Variants in CA9 observed in about 807,000 individuals in gnomAD.
CA9 encodes the protein carbonic anhydrase 9.
Under a neutral mutation model 51.8 loss-of-function variants are expected in CA9, and 43 were observed. The observed-to-expected ratio is 0.83, with a 90% CI of 0.65 to 1.07. The LOEUF is 1.07. Ranked by LOEUF, CA9 falls within the 50% of genes least tolerant of loss-of-function variation. The pLI is 0.00. For missense variants in CA9, 574 were observed against 581.4 expected, an observed-to-expected ratio of 0.99 and a Z score of 0.13; for synonymous variants, 253 against 244.2, an observed-to-expected ratio of 1.04 and a Z score of -0.34.
chr9:35,676,143 C>T lies in CA9; in HGVS notation c.684C>T (p.His228=). ...REYRALQLHL[H]WGAAGRPGSE... The stretch of plus-strand genomic sequence containing the variant: ...ACCGGGCTCTGCAGCTGCATCTGCA[C>T]TGGGGGGCTGCAGGTCGTCCGGGCT... Residue 228 remains histidine, a synonymous_variant, in exon 4 of 11, where the codon CAC becomes CAT. Coordinates refer to ENST00000378357, the MANE Select transcript of CA9 (RefSeq NM_001216.3). The T allele has an allele frequency of 6.2e-7, 1 of 1,613,260 alleles. No homozygotes were observed. Among genetic ancestry groups the T allele is most frequent in the Non-Finnish European group, 8.5e-7 (1 of 1,179,654 alleles).
intron 5 of CA9, 29 bp from the exon 6 acceptor site, chr9:35,677,761 C>G: frequency 6.3e-7 from 1 of 1,590,766 alleles, no homozygotes; most frequent in East Asian, 2.2e-5. Flanking sequence ...GATACATGCA[C>G]TCATCTGTCT....
rs71800585 is a variant in CA9 at position 35,678,700 on chromosome 9, C to CT, written c.908-470dup. Among the ~76,000 whole-genome samples, 659 of 131,954 alleles carry CT rather than the reference C, an allele frequency of 5.0e-3. 9 individuals are homozygous for CT. The highest frequency in any genetic ancestry group is 0.016 in the African/African-American group (538 of 34,636). The allele number at this position is 131,954 out of a possible 152,430, so 86.6% of individuals were successfully genotyped here. A position where few individuals can be genotyped will look rare whatever the true frequency, so the allele number is the denominator to read the frequency against. On this transcript the variant is annotated intron_variant, in intron 6 of 10. Coordinates refer to ENST00000378357, the MANE Select transcript of CA9 (RefSeq NM_001216.3). ...TTCAGATCATTTTTTCTTTTCTTTTCTTTTTTTTTTTTTTTACATCTTTAG... is the reference window on the plus strand; with the variant it reads ...TTCAGATCATTTTTTCTTTTCTTTTCTTTTTTTTTTTTTTTTACATCTTTAG...
chr9:35,681,095 C>T lies in CA9; in HGVS notation c.*70C>T. The T allele has an allele frequency of 7.9e-7, 1 of 1,271,738 alleles. No individual in the cohort carries two copies. Among genetic ancestry groups the T allele is most frequent in the Non-Finnish European group, 1.1e-6 (1 of 915,052 alleles). 78.8% of individuals were successfully genotyped at this position (1,271,738 alleles called of 1,614,324 possible). On this transcript the variant is annotated 3_prime_UTR_variant, in exon 11 of 11. Transcript: ENST00000378357. ...AGGGGGAGCCGGTAACTGTCCTGTC[C>T]TGCTCATTATGCCACTTCCTTTTAA...
Position 35,681,071 on chromosome 9 carries a change from G to A in CA9, c.*46G>A, listed in dbSNP as rs184019948. ...TGAGAAGCCAGCCAGAGGCATCTGA[G>A]GGGGAGCCGGTAACTGTCCTGTCCT... On this transcript the variant is annotated 3_prime_UTR_variant, in exon 11 of 11. Coordinates refer to ENST00000378357, the MANE Select transcript of CA9 (RefSeq NM_001216.3). The A allele has an allele frequency of 3.8e-6, 6 of 1,559,344 alleles. No homozygotes were observed. The highest frequency in any genetic ancestry group is 1.4e-5 in the African/African-American group (1 of 73,822).
chr9:35,678,775 C>CTTGTG (rs1298870695), intron 6 of CA9, among the ~76,000 whole-genome samples: 3 of 149,648 alleles, frequency 2.0e-5, no homozygotes, highest in African/African-American at 4.9e-5. Flanking sequence ...AACTCCTGAC[C>CTTGTG]TTGTGATCCA....
At position 35,679,198 on chromosome 9, in the gene CA9, G is replaced by A. The variant is rs537974189; in HGVS notation, c.921G>A (p.Gln307=). 55 of 1,613,964 alleles carry A rather than the reference G, an allele frequency of 3.4e-5. No homozygotes were observed. The highest frequency in any genetic ancestry group is 4.4e-5 in the Non-Finnish European group (52 of 1,180,006). Residue 307 remains glutamine (Q), a synonymous_variant, in exon 7 of 11, where the codon CAG becomes CAA. Coordinates refer to ENST00000378357, the MANE Select transcript of CA9 (RefSeq NM_001216.3). ...EEIAEEGSET[Q]VPGLDISALL... ...TCCTCTTCACAGGCTCAGAGACTCA[G>A]GTCCCAGGACTGGACATATCTGCAC... is the stretch of plus-strand genomic sequence containing the variant.
intron 1 of CA9, 174 bp from the exon 2 acceptor site, chr9:35,675,364 C>T (rs1824394913): frequency 6.0e-6 from 4 of 669,760 alleles, no homozygotes; most frequent in Non-Finnish European, 1.1e-5. Context: ...GTTTGGCCCA[C>T]CCAGCTGCGG....
rs368926395 is a variant in CA9, at chr9:35,681,038, G to A, written c.*13G>A. ...GACTGGAGCCTAGAGGCTGGATCTT[G>A]GAGAATGTGAGAAGCCAGCCAGAGG... On this transcript the variant is annotated 3_prime_UTR_variant, in exon 11 of 11. Transcript: ENST00000378357. The A allele has an allele frequency of 3.7e-6, 6 of 1,612,580 alleles. No individual in the cohort carries two copies. The highest frequency in any genetic ancestry group is 5.1e-6 in the Non-Finnish European group (6 of 1,179,508).
intron 5 of CA9, among the ~76,000 whole-genome samples, chr9:35,677,336 C>A (rs1203312091): frequency 2.0e-5 from 3 of 152,000 alleles, no homozygotes; most frequent in African/African-American, 7.2e-5. Context: ...CCTGAAAAGC[C>A]AAACACAGAA....
intron 10 of CA9, 64 bp from the exon 11 acceptor site, chr9:35,680,901 C>T (rs376242893): frequency 8.5e-5 from 137 of 1,607,602 alleles, no homozygotes; most frequent in Non-Finnish European, 1.0e-4. Context: ...TCATGCAAAG[C>T]GCATGCAAAT....
Position 35,680,784 on chromosome 9 carries a change from T to C in CA9, c.1269T>C (p.Leu423=), listed in dbSNP as rs1282635219. ...TCCTAGCCCTGGTTTTTGGCCTCCT[T>C]TTTGCTGTCACCAGCGTCGCGTTCC... ...GDILALVFGL[L]FAVTSVAFLV... is the part of the protein sequence containing the mutation. The change falls in exon 10 of 11, where the codon CTT becomes CTC. Residue 423 remains leucine (L), a synonymous_variant. Transcript: ENST00000378357. The C allele has an allele frequency of 1.9e-6, 3 of 1,614,064 alleles. No homozygotes were observed. The African/African-American group carries it at 4.0e-5, about 22-fold the overall frequency.
intron 9 of CA9, 38 bp downstream of exon 9, chr9:35,680,177 A>G (rs754293793): frequency 6.2e-7 from 1 of 1,611,860 alleles, no homozygotes; most frequent in Non-Finnish European, 8.5e-7. Context: ...ATGCCAGGAG[A>G]CTCCTCAGCA....
chr9:35,680,022 C>G, intron 8 of CA9, 24 bp downstream of exon 8: 5 of 1,614,236 alleles, frequency 3.1e-6, no homozygotes, highest in Non-Finnish European at 4.2e-6. Context: ...TGGTTTCCCC[C>G]CAGCCAGTAG....
rs1402819550 is a variant in CA9, at chr9:35,674,408, A to T, written c.403+46A>T. ...AAATCCAGGTTCCAGGAGGTTCATG[A>T]CTCCCCTCCCATACCCCAGCCTAGG... On this transcript the variant is annotated intron_variant, in intron 1 of 10. Coordinates refer to ENST00000378357, the MANE Select transcript of CA9 (RefSeq NM_001216.3). The T allele has an allele frequency of 1.9e-6, 3 of 1,550,124 alleles. No individual in the cohort carries two copies. The South Asian group carries it at 3.7e-5, about 19-fold the overall frequency.
intron 8 of CA9, 46 bp downstream of exon 8, chr9:35,680,044 C>T: frequency 6.2e-7 from 1 of 1,614,184 alleles, no homozygotes; most frequent in Non-Finnish European, 8.5e-7. Flanking sequence ...CCCTTATCCT[C>T]CCATGTGTGT....
chr9:35,677,797 C>G lies in CA9; in HGVS notation c.848C>G (p.Pro283Arg). 1.2e-6 allele frequency: 2 copies of G among 1,613,904 alleles called. No individual in the cohort carries two copies. The highest frequency in any genetic ancestry group is 1.7e-6 in the Non-Finnish European group (2 of 1,179,824). Reference sequence around the variant, plus strand: ...TACAATGTCATCCCCCAGGAGGGCCCGGAAGAAAACAGTGCCTATGAGCAG... The same window carrying G: ...TACAATGTCATCCCCCAGGAGGGCCGGGAAGAAAACAGTGCCTATGAGCAG... Reference protein sequence around the residue: ...AVLAAFLEEGPEENSAYEQLL... With the variant: ...AVLAAFLEEGREENSAYEQLL... The change falls in exon 6 of 11, where the codon CCG becomes CGG. Residue 283 changes from proline to arginine, a missense_variant. Coordinates refer to ENST00000378357, the MANE Select transcript of CA9 (RefSeq NM_001216.3).
chr9:35,680,991 A>C lies in CA9; in HGVS notation c.1346A>C (p.Tyr449Ser), dbSNP rs1244939668. The C allele has an allele frequency of 6.2e-7, 1 of 1,614,036 alleles. No individual in the cohort carries two copies. The highest frequency in any genetic ancestry group is 8.5e-7 in the Non-Finnish European group (1 of 1,179,996). The change falls in exon 11 of 11, where the codon TAC (tyrosine) becomes TCC (serine). Residue 449 changes from tyrosine to serine, a missense_variant. Tyr to Ser is a moderately radical substitution (Grantham distance 144). Coordinates refer to ENST00000378357, the MANE Select transcript of CA9 (RefSeq NM_001216.3). The part of the protein sequence containing the change: ...HRRGTKGGVS[Y>S]RPAEVAETGA ...AGGGGAACCAAAGGGGGTGTGAGCT[A>C]CCGCCCAGCAGAGGTAGCCGAGACT...
In CA9 at chr9:35,676,157, G is replaced by A. The variant is rs1221724988; in HGVS notation, c.698G>A (p.Gly233Asp). The A allele has an allele frequency of 2.5e-6, 4 of 1,612,848 alleles. No homozygotes were observed. The highest frequency in any genetic ancestry group is 2.5e-6 in the Non-Finnish European group (3 of 1,179,498). The change falls in exon 4 of 11, where the codon GGT becomes GAT. Residue 233 changes from glycine to aspartate, a missense_variant. Physicochemically the swap from Gly to Asp is moderately conservative, Grantham distance 94. Coordinates refer to ENST00000378357, the MANE Select transcript of CA9 (RefSeq NM_001216.3). Reference sequence around the variant, plus strand: ...CTGCATCTGCACTGGGGGGCTGCAGGTCGTCCGGGCTCGGAGCACACTGTG... The same window carrying A: ...CTGCATCTGCACTGGGGGGCTGCAGATCGTCCGGGCTCGGAGCACACTGTG... Reference protein sequence around the residue: ...LQLHLHWGAAGRPGSEHTVEG... With the variant: ...LQLHLHWGAADRPGSEHTVEG...
rs543329798 is a variant in CA9, at chr9:35,679,782, T to C, written c.1066-72T>C. The C allele has an allele frequency of 2.9e-4, 423 of 1,472,610 alleles. 8 individuals are homozygous for C. The South Asian group carries it at 5.4e-3, about 19-fold the overall frequency. The allele number at this position is 1,472,610 out of a possible 1,614,324, so 91.2% of individuals were successfully genotyped here. A position where few individuals can be genotyped will look rare whatever the true frequency, so the allele number is the denominator to read the frequency against. The stretch of plus-strand genomic sequence containing the variant: ...GAGGGTGGAGCCCTGAGGTGCTGGT[T>C]GTGAGCTGGCCTGGGACCCTTGTTT... On this transcript the variant is annotated intron_variant, in intron 7 of 10. Coordinates refer to ENST00000378357, the MANE Select transcript of CA9 (RefSeq NM_001216.3).
Sources: gnomAD v4.1 joint callset for allele counts (sites outside exome capture counted in the v4.1 genomes callset) on GRCh38, gnomAD v4.1.1 for gene constraint, MANE v1.5 for transcripts, NCBI Gene and HGNC (gene_info 2026-07-23, HGNC 2026-07-21) for gene names.